Variants in EPHA10 observed in about 807,000 individuals in gnomAD.
EPHA10 encodes ephrin type-A receptor 10.
In EPHA10, 120 loss-of-function variants were observed where a neutral mutation model predicts 109.7. That is an observed-to-expected ratio of 1.09 (90% CI 0.94 to 1.27). EPHA10 has a LOEUF of 1.27. Ranked by LOEUF, EPHA10 falls within the 50% of genes most tolerant of loss-of-function variation. The pLI, the probability that EPHA10 is intolerant of heterozygous loss-of-function variation, is 0.00. For missense variants in EPHA10, 1,396 were observed against 1,411.1 expected (o/e 0.99, Z 0.17); for synonymous variants, 640 against 618.9 (o/e 1.03, Z -0.51).
intron 6 of EPHA10, 121 bp downstream of exon 6, chr1:37,735,136 G>C (rs1030715848): frequency 5.3e-6 from 7 of 1,317,460 alleles, no homozygotes; most frequent in East Asian, 5.1e-5. Context: ...CCTAGGAGAC[G>C]GGTGGTTATG....
At chr1:37,748,670 C>T (rs1646275890) in intron 5 of EPHA10, among the ~76,000 whole-genome samples, 1 of 151,832 alleles carries the variant, frequency 6.6e-6, no homozygotes, top group African/African-American at 2.4e-5. Flanking sequence ...GGGTATAATC[C>T]AGGAGTGCAG....
At chr1:37,750,909 G>T (rs1342089757) in intron 5 of EPHA10, among the ~76,000 whole-genome samples, 1 of 151,990 alleles carries the variant, frequency 6.6e-6, no homozygotes, top group East Asian at 1.9e-4. Context: ...TCAATCAAAA[G>T]AAATCCATAT....
In EPHA10 at chr1:37,721,757, G is replaced by C. The variant is rs767722131; in HGVS notation, c.2049C>G (p.Ala683=). 6.2e-6 allele frequency: 10 copies of C among 1,612,664 alleles called. No individual in the cohort carries two copies. Among genetic ancestry groups the C allele is most frequent in the Non-Finnish European group, 7.6e-6 (9 of 1,179,856 alleles). ...LVAVHMLRDS[A]SDSQRLGFLA... ...GGAAGCCGAGCCTCTGTGAGTCGGA[G>C]GCGCTGTCCCTCAGCATATGCACGG... The change falls in exon 11 of 17, where the codon GCC becomes GCG. Residue 683 remains alanine (A), a synonymous_variant. Transcript: ENST00000373048.
At position 37,719,575 on chromosome 1, in the gene EPHA10, CAGCCGGA is replaced by C. The variant is rs1557527819; in HGVS notation, c.2588_2594del (p.Phe863CysfsTer14). ...GGTTAGGACAGTTCCTGGGGGGTGG[CAGCCGGA>C]AGCCATCCTCCACAGCCTTGATCAC... On this transcript the variant is annotated frameshift_variant, in exon 15 of 17. Coordinates refer to ENST00000373048, the MANE Select transcript of EPHA10 (RefSeq NM_001099439.2). LOFTEE classifies it high-confidence loss of function. 6.2e-7 allele frequency: 1 copy of C among 1,613,722 alleles called. No homozygotes were observed. The highest frequency in any genetic ancestry group is 1.7e-5 in the Admixed American group (1 of 60,010).
Position 37,720,527 on chromosome 1 carries a change from G to GCCCAGCCA in EPHA10, c.2228_2235dup (p.Gln746TrpfsTer5), listed in dbSNP as rs1408857549. ...AGCCCAGGCAGCAACCCCATCAGTTGCCCAGCCACCAGCTGCCCCTCGTGC... is the reference window on the plus strand; with the variant it reads ...AGCCCAGGCAGCAACCCCATCAGTTGCCCAGCCACCCAGCCACCAGCTGCCCCTCGTGC... On this transcript the variant is annotated frameshift_variant, in exon 13 of 17. Coordinates refer to ENST00000373048, the MANE Select transcript of EPHA10 (RefSeq NM_001099439.2). LOFTEE classifies it high-confidence loss of function. The GCCCAGCCA allele has an allele frequency of 1.4e-5, 23 of 1,612,230 alleles. No individual in the cohort carries two copies. The highest frequency in any genetic ancestry group is 1.9e-5 in the Non-Finnish European group (23 of 1,179,558).
downstream of EPHA10, chr1:37,714,971 A>T (rs543540193): frequency 1.3e-5 from 2 of 152,364 alleles, no homozygotes; most frequent in East Asian, 1.9e-4. Context: ...ACACTCACTG[A>T]TAATAGCCCA....
At position 37,721,653 on chromosome 1, in the gene EPHA10, G is replaced by A; in HGVS notation, c.2146+7C>T. 6.3e-7 allele frequency: 1 copy of A among 1,599,062 alleles called. No homozygotes were observed. Among genetic ancestry groups the A allele is most frequent in the South Asian group, 1.1e-5 (1 of 89,888 alleles). ...CTGGGCAGCAGGAAGGGAGCACCGG[G>A]CCCTACCTCGGGTAACAACGCCCTC... On this transcript the variant is annotated splice_region_variant and intron_variant, in intron 11 of 16. Transcript: ENST00000373048.
intron 5 of EPHA10, among the ~76,000 whole-genome samples, chr1:37,749,893 G>C (rs1248147618): frequency 6.6e-6 from 1 of 152,142 alleles, no homozygotes; most frequent in African/African-American, 2.4e-5. Flanking sequence ...GCATGTGACT[G>C]TACTGAATAC....
At chr1:37,743,544 A>G (rs1359148852) in intron 5 of EPHA10, among the ~76,000 whole-genome samples, 3 of 152,250 alleles carry the variant, frequency 2.0e-5, no homozygotes, top group Non-Finnish European at 2.9e-5. Flanking sequence ...AACATCAAGT[A>G]AAAAATAAGA....
At chr1:37,747,104 A>G (rs1423111115) in intron 5 of EPHA10, among the ~76,000 whole-genome samples, 1 of 152,262 alleles carries the variant, frequency 6.6e-6, no homozygotes, top group East Asian at 1.9e-4. Context: ...ATTTTATGTT[A>G]CATGAATTAT....
At chr1:37,732,218 A>G (rs1645995186) in intron 6 of EPHA10, among the ~76,000 whole-genome samples, 2 of 152,130 alleles carry the variant, frequency 1.3e-5, no homozygotes, top group African/African-American at 2.4e-5. Flanking sequence ...GAGCCTCACA[A>G]CAGCCCTGTG....
At position 37,717,995 on chromosome 1, in the gene EPHA10, G is replaced by T. The variant is rs151244497; in HGVS notation, c.*377C>A. The T allele has an allele frequency of 9.2e-5, 27 of 293,246 alleles. No homozygotes were observed. The highest frequency in any genetic ancestry group is 1.0e-3 in the Middle Eastern group (1 of 988). 18.2% of individuals were successfully genotyped at this position (293,246 alleles called of 1,614,324 possible). The stretch of plus-strand genomic sequence containing the variant: ...GTGGGAAAAGGGAACACCCCACGGG[G>T]TAGGCCCCAGCCCCCAGTGGGTACA... On this transcript the variant is annotated 3_prime_UTR_variant, in exon 17 of 17. Transcript: ENST00000373048.
intron 10 of EPHA10, 144 bp downstream of exon 10, chr1:37,722,897 G>C (rs1645822089): frequency 1.6e-6 from 2 of 1,241,234 alleles, no homozygotes; most frequent in South Asian, 1.2e-5. Context: ...GGTGGGCTTG[G>C]TGTGGAGGCA....
chr1:37,749,285 C>G (rs1646287488), intron 5 of EPHA10, among the ~76,000 whole-genome samples: 1 of 151,980 alleles, frequency 6.6e-6, no homozygotes, highest in African/African-American at 2.4e-5. Flanking sequence ...AGCACTAGAT[C>G]AGTGGAAGCT....
chr1:37,719,684 A>C lies in EPHA10; in HGVS notation c.2563-77T>G. 3 of 1,514,880 alleles carry C rather than the reference A, an allele frequency of 2.0e-6. No homozygotes were observed. The South Asian group carries it at 3.5e-5, about 18-fold the overall frequency. The allele number at this position is 1,514,880 out of a possible 1,614,324, so 93.8% of individuals were successfully genotyped here. A position where few individuals can be genotyped will look rare whatever the true frequency, so the allele number is the denominator to read the frequency against. On this transcript the variant is annotated intron_variant, in intron 14 of 16. Coordinates refer to ENST00000373048, the MANE Select transcript of EPHA10 (RefSeq NM_001099439.2). ...ATGGTGTGTGCACACACACATGCACACACACAGACACAGACACACACACAC... is the reference window on the plus strand; with the variant it reads ...ATGGTGTGTGCACACACACATGCACCCACACAGACACAGACACACACACAC...
At chr1:37,758,255 C>T (rs999490062) in intron 3 of EPHA10, among the ~76,000 whole-genome samples, 3 of 152,180 alleles carry the variant, frequency 2.0e-5, no homozygotes, top group East Asian at 1.9e-4. Flanking sequence ...TGGGGATCCC[C>T]CCCATATACA....
intron 5 of EPHA10, among the ~76,000 whole-genome samples, chr1:37,744,029 G>A (rs933816160): frequency 6.6e-6 from 1 of 152,104 alleles, no homozygotes; most frequent in East Asian, 1.9e-4. Context: ...AATCAGCAAC[G>A]TAAAGACAAA....
At position 37,762,881 on chromosome 1, in the gene EPHA10, A is replaced by T. The variant is rs763718633; in HGVS notation, c.107-32T>A. The T allele has an allele frequency of 4.3e-5, 67 of 1,540,278 alleles. 1 individual carries two copies. In the African/African-American group the frequency reaches 5.9e-4, roughly 14 times the overall value. Reference sequence around the variant, plus strand: ...AGAGGGGAAGACAGAAATATCAGAAATCGAGAAGGTCAGTTTAGCAAGAGA... The same window carrying T: ...AGAGGGGAAGACAGAAATATCAGAATTCGAGAAGGTCAGTTTAGCAAGAGA... On this transcript the variant is annotated intron_variant, in intron 1 of 16. Coordinates refer to ENST00000373048, the MANE Select transcript of EPHA10 (RefSeq NM_001099439.2).
rs779915737 is a variant in EPHA10 at position 37,765,040 on chromosome 1, C to T, written c.27G>A (p.Pro9=). 2 of 1,607,502 alleles carry T rather than the reference C, an allele frequency of 1.2e-6. No homozygotes were observed. The highest frequency in any genetic ancestry group is 8.5e-7 in the Non-Finnish European group (1 of 1,178,568). ...GCATCCGGCAGAGGAAGAGGCGCAG[C>T]GGGTGTGGACCGGCGCAGGTCTCCA... METCAGPH[P]LRLFLCRMQL... The change falls in exon 1 of 17, where the codon CCG becomes CCA. Residue 9 remains proline (P), a synonymous_variant. Coordinates refer to ENST00000373048, the MANE Select transcript of EPHA10 (RefSeq NM_001099439.2).
Sources: gnomAD v4.1 joint callset for allele counts (sites outside exome capture counted in the v4.1 genomes callset) on GRCh38, gnomAD v4.1.1 for gene constraint, MANE v1.5 for transcripts, NCBI Gene and HGNC (gene_info 2026-07-23, HGNC 2026-07-21) for gene names.